The following ING5 variants were observed in gnomAD, a reference collection of about 807,000 sequenced individuals.
The protein encoded by ING5 is inhibitor of growth protein 5.
In ING5, 17 loss-of-function variants were observed where a neutral mutation model predicts 37.4. The ratio of observed to expected loss-of-function variants is 0.45; its 90% CI spans 0.31 to 0.68. ING5 has a LOEUF of 0.68. ING5 is among the 30% of genes least tolerant of loss of function. The pLI, the probability that ING5 is intolerant of heterozygous loss-of-function variation, is 0.05. For synonymous variants in ING5, 123 were observed against 116.6 expected (o/e 1.06, Z -0.36); for missense variants, 233 against 311.9 (o/e 0.75, Z 1.91).
upstream of ING5, among the ~76,000 whole-genome samples, chr2:241,698,062 G>A (rs1179492939): frequency 5.4e-5 from 7 of 130,276 alleles, no homozygotes; most frequent in East Asian, 2.3e-4. Flanking sequence ...CATCCTGGGC[G>A]AAGAAGCCAG....
At chr2:241,721,513 C>A (rs917914175) in intron 5 of ING5, 64 of 985,320 alleles carry the variant, frequency 6.5e-5, no homozygotes, top group Non-Finnish European at 7.7e-5. Flanking sequence ...CAGGCAATTG[C>A]AAAGGCGTAG....
In ING5 at chr2:241,726,821, G is replaced by A. The variant is rs1181157725; in HGVS notation, c.*1790G>A. 1 of 151,986 alleles carries A rather than the reference G, an allele frequency of 6.6e-6. No homozygotes were observed. The highest frequency in any genetic ancestry group is 2.4e-5 in the African/African-American group (1 of 41,184). 9.4% of individuals were successfully genotyped at this position (151,986 alleles called of 1,614,324 possible). A position where few individuals can be genotyped will look rare whatever the true frequency, so the allele number is the denominator to read the frequency against. On this transcript the variant is annotated 3_prime_UTR_variant, in exon 8 of 8. Coordinates refer to ENST00000313552, the MANE Select transcript of ING5 (RefSeq NM_032329.6). ...TGTTAATTTTTTTTTTTGAGACGGA[G>A]TCTTGCTCTGTCACCCAGGCTGGAG...
In ING5 at chr2:241,719,891, G is replaced by A. The variant is rs916038920; in HGVS notation, c.483-3048G>A. The A allele has an allele frequency of 7.5e-6, 10 of 1,335,660 alleles. No homozygotes were observed. In the African/African-American group the frequency reaches 1.3e-4, roughly 18 times the overall value. The allele number at this position is 1,335,660 out of a possible 1,614,324, so 82.7% of individuals were successfully genotyped here. On this transcript the variant is annotated intron_variant, in intron 5 of 7. Coordinates refer to ENST00000313552, the MANE Select transcript of ING5 (RefSeq NM_032329.6). Reference sequence around the variant, plus strand: ...GTCCCAGTAGTGACAGATGAGAAGGGTGATCACCGATGGCGACAGTTGCGG... The same window carrying A: ...GTCCCAGTAGTGACAGATGAGAAGGATGATCACCGATGGCGACAGTTGCGG...
chr2:241,709,125 C>T, intron 2 of ING5, 91 bp from the exon 3 acceptor site: 3 of 1,379,608 alleles, frequency 2.2e-6, no homozygotes, highest in Non-Finnish European at 1.0e-6. Context: ...TTTGCCACAA[C>T]TTGGCGTTGG....
chr2:241,724,582 C>G lies in ING5; in HGVS notation c.681-407C>G, dbSNP rs113141251. On this transcript the variant is annotated intron_variant, in intron 7 of 7. Transcript: ENST00000313552. The stretch of plus-strand genomic sequence containing the variant: ...ACTTGTGAGACGGCAGCTTCCAGGG[C>G]CAGTGCAGGGTGCCTGGCTGGGTTT... The G allele has an allele frequency of 3.3e-3, 699 of 214,892 alleles. 6 individuals carry two copies. Among genetic ancestry groups the G allele is most frequent in the African/African-American group, 0.016 (675 of 43,160 alleles). The allele number at this position is 214,892 out of a possible 1,614,324, so 13.3% of individuals were successfully genotyped here.
chr2:241,722,830 A>G, intron 5 of ING5, 109 bp from the exon 6 acceptor site: 1 of 1,544,360 alleles, frequency 6.5e-7, no homozygotes. Flanking sequence ...TTGTCTTCAC[A>G]GTTTTGGGGT....
chr2:241,724,812 G>GC, intron 7 of ING5, 177 bp from the exon 8 acceptor site: 1 of 619,310 alleles, frequency 1.6e-6, no homozygotes, highest in Non-Finnish European at 2.9e-6. Flanking sequence ...GCATAGAGCC[G>GC]CACGTGCATC....
chr2:241,693,181 C>G (rs935512181), intron 2 of ING5, among the ~76,000 whole-genome samples: 1 of 150,250 alleles, frequency 6.7e-6, no homozygotes, highest in Non-Finnish European at 1.5e-5. Context: ...ATTGCTTGAA[C>G]CCAGGAGGCG....
In ING5 at chr2:241,715,439, A is replaced by C. The variant is rs1014139663; in HGVS notation, c.482+3368A>C. 5.0e-3 allele frequency among the ~76,000 whole-genome samples: 666 copies of C among 133,862 alleles called. 2 individuals are homozygous for C. The highest frequency in any genetic ancestry group is 9.8e-3 in the Admixed American group (126 of 12,906). The allele number at this position is 133,862 out of a possible 152,430, so 87.8% of individuals were successfully genotyped here. A position where few individuals can be genotyped will look rare whatever the true frequency, so the allele number is the denominator to read the frequency against. On this transcript the variant is annotated intron_variant, in intron 5 of 7. Coordinates refer to ENST00000313552, the MANE Select transcript of ING5 (RefSeq NM_032329.6). ...TTAAACTCCTGAGCTCAAGTGATCC[A>C]CCCACGTTGGCCTCCCAAAGTGCTG...
chr2:241,721,272 C>T, intron 5 of ING5: 1 of 985,462 alleles, frequency 1.0e-6, no homozygotes, highest in Non-Finnish European at 1.2e-6. Context: ...GAGGAGAGAC[C>T]CGAAGACTAC....
chr2:241,720,266 A>T, intron 5 of ING5: 1 of 1,230,160 alleles, frequency 8.1e-7, no homozygotes, highest in Non-Finnish European at 1.0e-6. Flanking sequence ...CTGACCCATC[A>T]GCACAGTGGG....
At chr2:241,699,663 G>A (rs892233890), upstream of ING5, among the ~76,000 whole-genome samples, 1 of 152,066 alleles carries the variant, frequency 6.6e-6, no homozygotes, top group Non-Finnish European at 1.5e-5. Context: ...GTTGCATCTC[G>A]GAAGTCAAGG....
chr2:241,711,475 G>A lies in ING5; in HGVS notation c.375G>A (p.Gly125=), dbSNP rs2070110343. 7.5e-6 allele frequency: 12 copies of A among 1,599,902 alleles called. No homozygotes were observed. The highest frequency in any genetic ancestry group is 1.0e-5 in the Non-Finnish European group (12 of 1,175,000). Residue 125 remains glycine, a synonymous_variant, in exon 4 of 8, where the codon GGG becomes GGA. Coordinates refer to ENST00000313552, the MANE Select transcript of ING5 (RefSeq NM_032329.6). ...GCAGTGATTTTGAAAGCTCCGGAGG[G>A]CGAGGGTTAAAAAGCAAGTCTGTTA... is the stretch of plus-strand genomic sequence containing the variant. ...MEGSDFESSG[G]RGLKKGRGQK...
At chr2:241,721,941 C>A in intron 5 of ING5, 1 of 985,788 alleles carries the variant, frequency 1.0e-6, no homozygotes, top group Non-Finnish European at 1.2e-6. Context: ...TGTGTAGAAA[C>A]CCACGTGGGA....
intron 5 of ING5, chr2:241,722,157 T>TA (rs2070450680): frequency 3.0e-6 from 3 of 985,344 alleles, no homozygotes; most frequent in Non-Finnish European, 3.6e-6. Flanking sequence ...AGGTCACAGT[T>TA]ACGGGAGAGC....
In ING5 at chr2:241,722,615, A is replaced by G. The variant is rs965194749; in HGVS notation, c.483-324A>G. The G allele has an allele frequency of 1.3e-5, 13 of 985,278 alleles. No homozygotes were observed. In the Admixed American group the frequency reaches 1.8e-4, roughly 14 times the overall value. The allele number at this position is 985,278 out of a possible 1,614,324, so 61.0% of individuals were successfully genotyped here. ...TTTTCTTGCTGCGCCTTCTTAGAAC[A>G]TTGCGTGTTCAGAGGGGTTATTGAG... is the stretch of plus-strand genomic sequence containing the variant. On this transcript the variant is annotated intron_variant, in intron 5 of 7. Coordinates refer to ENST00000313552, the MANE Select transcript of ING5 (RefSeq NM_032329.6).
At chr2:241,713,062 T>C (rs987077146) in intron 5 of ING5, among the ~76,000 whole-genome samples, 2 of 151,016 alleles carry the variant, frequency 1.3e-5, no homozygotes, top group South Asian at 2.1e-4. Context: ...AATTTTCTTT[T>C]TTTTTTTTTT....
At chr2:241,717,792 C>T (rs1256813725) in intron 5 of ING5, among the ~76,000 whole-genome samples, 1 of 150,830 alleles carries the variant, frequency 6.6e-6, no homozygotes, top group African/African-American at 2.4e-5. Flanking sequence ...GTATATTTTG[C>T]GTGGAACTTG....
chr2:241,724,072 G>T (rs1691503171), intron 7 of ING5: 8 of 1,372,786 alleles, frequency 5.8e-6, no homozygotes, highest in Middle Eastern at 2.8e-4. Context: ...TCTAAAAATG[G>T]ATATCTATGT....
Sources: gnomAD v4.1 joint callset for allele counts (sites outside exome capture counted in the v4.1 genomes callset) on GRCh38, gnomAD v4.1.1 for gene constraint, MANE v1.5 for transcripts, NCBI Gene and HGNC (gene_info 2026-07-23, HGNC 2026-07-21) for gene names.